The following RUNX2 variants were observed in gnomAD, a reference collection of about 807,000 sequenced individuals.
RUNX2 encodes the protein RUNX family transcription factor 2, also known as runt-related transcription factor 2.
RUNX2 carries 10 observed loss-of-function variants against 51.7 expected under a neutral mutation model. That is an observed-to-expected ratio of 0.19 (90% CI 0.12 to 0.33). The LOEUF is 0.33. Among genes scored for constraint, RUNX2 ranks in the 10% least tolerant of loss-of-function variants. The probability of loss-of-function intolerance (pLI) is 1.00; values close to 1 mark genes in which losing one functional copy is unlikely to be tolerated. For synonymous variants in RUNX2, 276 were observed against 273.6 expected, an observed-to-expected ratio of 1.01 and a Z score of -0.09; for missense variants, 562 against 691.3, an observed-to-expected ratio of 0.81 and a Z score of 2.10.
intron 7 of RUNX2, among the ~76,000 whole-genome samples, chr6:45,543,101 G>A (rs939463961): frequency 6.6e-6 from 1 of 152,128 alleles, no homozygotes; most frequent in Non-Finnish European, 1.5e-5. Flanking sequence ...TCACATAAAT[G>A]TTGCACTCTC....
At chr6:45,500,763 C>T (rs1472921208) in intron 6 of RUNX2, among the ~76,000 whole-genome samples, 2 of 152,204 alleles carry the variant, frequency 1.3e-5, no homozygotes, top group Non-Finnish European at 2.9e-5. Flanking sequence ...GTGATTCTCT[C>T]CCACAGTGGT....
chr6:45,364,177 A>C (rs541887594), intron 2 of RUNX2, among the ~76,000 whole-genome samples: 1 of 152,140 alleles, frequency 6.6e-6, no homozygotes, highest in South Asian at 2.1e-4. Context: ...AACCCTCATA[A>C]ACAAATATTC....
At chr6:45,478,099 G>A (rs1382210277) in intron 5 of RUNX2, among the ~76,000 whole-genome samples, 1 of 152,070 alleles carries the variant, frequency 6.6e-6, no homozygotes, top group Non-Finnish European at 1.5e-5. Context: ...CTACTCAAAC[G>A]CTGTCTCCTC....
At chr6:45,372,261 T>C (rs759283148) in intron 2 of RUNX2, among the ~76,000 whole-genome samples, 2 of 152,206 alleles carry the variant, frequency 1.3e-5, no homozygotes, top group South Asian at 2.1e-4. Flanking sequence ...ACTTCTCTTA[T>C]AGGTTACATA....
At chr6:45,423,100 G>GA in intron 3 of RUNX2, 143 bp downstream of exon 3, 4 of 849,106 alleles carry the variant, frequency 4.7e-6, no homozygotes, top group Non-Finnish European at 6.3e-6. Flanking sequence ...CCCCGGCCGG[G>GA]CCTCCCTCCG....
intron 2 of RUNX2, among the ~76,000 whole-genome samples, chr6:45,345,693 C>A (rs924227442): frequency 9.2e-5 from 14 of 152,212 alleles, no homozygotes; most frequent in African/African-American, 3.1e-4. Flanking sequence ...GGTCTTTCCA[C>A]AGCCAACTCA....
intron 7 of RUNX2, among the ~76,000 whole-genome samples, chr6:45,529,729 G>A (rs1801784875): frequency 6.6e-6 from 1 of 151,988 alleles, no homozygotes; most frequent in South Asian, 2.1e-4. Context: ...AACAGCCCCT[G>A]GAAAAAAACA....
At chr6:45,449,234 A>G (rs1460530134) in intron 5 of RUNX2, among the ~76,000 whole-genome samples, 2 of 152,230 alleles carry the variant, frequency 1.3e-5, no homozygotes, top group Non-Finnish European at 2.9e-5. Flanking sequence ...TCAAATGGAA[A>G]TAGACATGAA....
intron 5 of RUNX2, among the ~76,000 whole-genome samples, chr6:45,462,167 T>A (rs946350659): frequency 1.3e-5 from 2 of 152,234 alleles, no homozygotes; most frequent in Non-Finnish European, 2.9e-5. Flanking sequence ...CTTAAATACA[T>A]GAAAGGATTT....
rs904786155 is a variant in RUNX2, at chr6:45,455,213, G to T, written c.685+17162G>T. ...TTTAGAAATTATTTAAAACAACTGC[G>T]TTAGAAAATATTATTTGTACAATAG... On this transcript the variant is annotated intron_variant, in intron 5 of 8. Transcript: ENST00000647337. 2.0e-5 allele frequency among the ~76,000 whole-genome samples: 3 copies of T among 152,224 alleles called. No individual in the cohort carries two copies. In the East Asian group the frequency reaches 5.8e-4, roughly 29 times the overall value.
Position 45,546,014 on chromosome 6 carries a change from G to A in RUNX2, c.1087+732G>A, listed in dbSNP as rs954420217. Among the ~76,000 whole-genome samples, 5 of 152,268 alleles carry A rather than the reference G, an allele frequency of 3.3e-5. No individual in the cohort carries two copies. In the South Asian group the frequency reaches 1.0e-3, roughly 32 times the overall value. On this transcript the variant is annotated intron_variant, in intron 8 of 8. Coordinates refer to ENST00000647337, the MANE Select transcript of RUNX2 (RefSeq NM_001024630.4). Reference sequence around the variant, plus strand: ...TGTGGTGCTGGGGCCTGGGAGACGGGTGGGGAGTGCCCTCCTCTTAATCTC... The same window carrying A: ...TGTGGTGCTGGGGCCTGGGAGACGGATGGGGAGTGCCCTCCTCTTAATCTC...
chr6:45,430,563 A>C (rs1340664365), intron 3 of RUNX2, among the ~76,000 whole-genome samples: 2 of 152,200 alleles, frequency 1.3e-5, no homozygotes, highest in Non-Finnish European at 2.9e-5. Context: ...GCCCTAAAAT[A>C]TAGGTATAGT....
Position 45,541,723 on chromosome 6 carries a change from T to C in RUNX2, c.1022-3494T>C, listed in dbSNP as rs1352052232. On this transcript the variant is annotated intron_variant, in intron 7 of 8. Transcript: ENST00000647337. Reference sequence around the variant, plus strand: ...ATTCAAGGCCCCCCTTCCTTTTTTCTGCCCTGACCTGCCTGCTCTGCTGGG... The same window carrying C: ...ATTCAAGGCCCCCCTTCCTTTTTTCCGCCCTGACCTGCCTGCTCTGCTGGG... Among the ~76,000 whole-genome samples the C allele has an allele frequency of 2.0e-5, 3 of 152,324 alleles. No individual in the cohort carries two copies. The East Asian group carries it at 5.8e-4, about 29-fold the overall frequency.
chr6:45,394,193 C>T (rs933978429), intron 2 of RUNX2, among the ~76,000 whole-genome samples: 5 of 152,128 alleles, frequency 3.3e-5, no homozygotes, highest in African/African-American at 1.2e-4. Flanking sequence ...CAGGCGTGAG[C>T]CACTGCGACC....
At chr6:45,546,123 C>A (rs1802391595) in intron 8 of RUNX2, among the ~76,000 whole-genome samples, 2 of 151,990 alleles carry the variant, frequency 1.3e-5, no homozygotes, top group African/African-American at 2.4e-5. Flanking sequence ...GACTTGAAAT[C>A]AATGATTCCT....
intron 2 of RUNX2, among the ~76,000 whole-genome samples, chr6:45,413,142 A>G (rs1431108011): frequency 2.0e-5 from 3 of 152,238 alleles, no homozygotes; most frequent in African/African-American, 7.2e-5. Flanking sequence ...CATCAAAGAT[A>G]CACTTATGGG....
intron 5 of RUNX2, among the ~76,000 whole-genome samples, chr6:45,460,376 G>C (rs911434721): frequency 2.0e-5 from 3 of 152,184 alleles, no homozygotes; most frequent in African/African-American, 7.2e-5. Flanking sequence ...CATTGAGTTT[G>C]GCGGTGTGGA....
In RUNX2 at chr6:45,492,646, A is replaced by G. The variant is rs1415773672; in HGVS notation, c.859+532A>G. 3.3e-5 allele frequency among the ~76,000 whole-genome samples: 5 copies of G among 152,326 alleles called. No individual in the cohort carries two copies. The South Asian group carries it at 1.0e-3, about 32-fold the overall frequency. ...GATTTACATTTAGCTCTGGTTCTCCATTAGACATTTCTCTTTATAAATTCT... is the reference window on the plus strand; with the variant it reads ...GATTTACATTTAGCTCTGGTTCTCCGTTAGACATTTCTCTTTATAAATTCT... On this transcript the variant is annotated intron_variant, in intron 6 of 8. Transcript: ENST00000647337.
intron 2 of RUNX2, among the ~76,000 whole-genome samples, chr6:45,415,132 C>T (rs145383693): frequency 3.3e-5 from 5 of 152,100 alleles, no homozygotes; most frequent in East Asian, 1.9e-4. Context: ...TCTTGGGGAT[C>T]AGAAAATGGA....
Sources: allele counts gnomAD v4.1 joint callset (sites outside exome capture counted in the v4.1 genomes callset), GRCh38; gene constraint gnomAD v4.1.1; transcripts MANE v1.5; gene names NCBI Gene and HGNC (gene_info 2026-07-23, HGNC 2026-07-21).